SMARCA5: variants seen among roughly 807,000 people sequenced by gnomAD.
SMARCA5 encodes SWI/SNF-related matrix-associated actin-dependent regulator of chromatin subfamily A member 5.
In SMARCA5, 18 loss-of-function variants were observed where a neutral mutation model predicts 140.4. The ratio of observed to expected loss-of-function variants is 0.13; its 90% CI spans 0.09 to 0.19. The LOEUF is 0.19. Among genes scored for constraint, SMARCA5 ranks in the 10% least tolerant of loss-of-function variants. The probability of loss-of-function intolerance (pLI) is 1.00; values close to 1 mark genes in which losing one functional copy is unlikely to be tolerated. For missense variants in SMARCA5, 606 were observed against 1,276.8 expected, an observed-to-expected ratio of 0.47 and a Z score of 8.01; for synonymous variants, 449 against 419.6, an observed-to-expected ratio of 1.07 and a Z score of -0.86.
chr4:143,524,501 T>C (rs1479178345), intron 4 of SMARCA5, 34 bp downstream of exon 4: 2 of 1,451,274 alleles, frequency 1.4e-6, no homozygotes, highest in East Asian at 4.6e-5. Context: ...TTTAAAAAAT[T>C]GCCCTTTGAG....
chr4:143,537,579 A>G (rs1282691880), intron 11 of SMARCA5, among the ~76,000 whole-genome samples: 1 of 152,184 alleles, frequency 6.6e-6, no homozygotes, highest in East Asian at 1.9e-4. Context: ...AGTGGCAGGA[A>G]CGTGGTGGGA....
At position 143,513,731 on chromosome 4, in the gene SMARCA5, G is replaced by C; in HGVS notation, c.-194G>C. 1 of 608,066 alleles carries C rather than the reference G, an allele frequency of 1.6e-6. No individual in the cohort carries two copies. Among genetic ancestry groups the C allele is most frequent in the Non-Finnish European group, 2.8e-6 (1 of 357,702 alleles). 37.7% of individuals were successfully genotyped at this position (608,066 alleles called of 1,614,324 possible). On this transcript the variant is annotated 5_prime_UTR_variant, in exon 1 of 24. Coordinates refer to ENST00000283131, the MANE Select transcript of SMARCA5 (RefSeq NM_003601.4). ...GTGGAACCTAGAGCCCCGCGGAAGA[G>C]CAGAACGTTTGGGAGTGTGCAGCTC...
chr4:143,521,714 C>T, intron 3 of SMARCA5, 119 bp downstream of exon 3: 5 of 910,626 alleles, frequency 5.5e-6, no homozygotes, highest in Non-Finnish European at 8.1e-6. Flanking sequence ...ATTTATTTGG[C>T]CCTGTTTGGC....
At chr4:143,538,468 C>CG in intron 11 of SMARCA5, 122 bp from the exon 12 acceptor site, 1 of 686,180 alleles carries the variant, frequency 1.5e-6, no homozygotes, top group Non-Finnish European at 2.4e-6. Context: ...AGATTTTTTT[C>CG]CCCCTTGTAA....
chr4:143,552,301 T>C (rs1482906476), intron 23 of SMARCA5, among the ~76,000 whole-genome samples: 1 of 152,126 alleles, frequency 6.6e-6, no homozygotes, highest in African/African-American at 2.4e-5. Flanking sequence ...ATGGAGTCTT[T>C]AGGTTTTTCC....
Position 143,514,120 on chromosome 4 carries a change from A to G in SMARCA5, c.177+19A>G. On this transcript the variant is annotated intron_variant, in intron 1 of 23. Transcript: ENST00000283131. ...GATGGAGGTGAGGGCGACTTGCGGC[A>G]TGGGGAGCGGGTGCAGCGGGGAGGA... 11 of 1,516,828 alleles carry G rather than the reference A, an allele frequency of 7.3e-6. No individual in the cohort carries two copies. Among genetic ancestry groups the G allele is most frequent in the South Asian group, 1.2e-5 (1 of 81,468 alleles). 94.0% of individuals were successfully genotyped at this position (1,516,828 alleles called of 1,614,324 possible). A position where few individuals can be genotyped will look rare whatever the true frequency, so the allele number is the denominator to read the frequency against.
rs1737738555 is a variant in SMARCA5, at chr4:143,555,902, CAA to C, written c.*2720_*2721del. 1 of 153,358 alleles carries C rather than the reference CAA, an allele frequency of 6.5e-6. No homozygotes were observed. Among genetic ancestry groups the C allele is most frequent in the South Asian group, 2.1e-4 (1 of 4,868 alleles). 9.5% of individuals were successfully genotyped at this position (153,358 alleles called of 1,614,324 possible). A position where few individuals can be genotyped will look rare whatever the true frequency, so the allele number is the denominator to read the frequency against. ...AGGCAATCCTCTTGCGTCAACCTCT[CAA>C]AGTGCTGGGATTACATGTGTAAGCC... On this transcript the variant is annotated 3_prime_UTR_variant, in exon 24 of 24. Coordinates refer to ENST00000283131, the MANE Select transcript of SMARCA5 (RefSeq NM_003601.4).
intron 10 of SMARCA5, among the ~76,000 whole-genome samples, chr4:143,535,704 G>A (rs1352342236): frequency 6.6e-6 from 1 of 152,136 alleles, no homozygotes; most frequent in African/African-American, 2.4e-5. Context: ...CTTTATATCA[G>A]AATTGAGATG....
rs1284528932 is a variant in SMARCA5 at position 143,521,446 on chromosome 4, T to C, written c.270T>C (p.Asn90=). The stretch of plus-strand genomic sequence containing the variant: ...TTTTTCAGCAAACTGACCGGGCAAA[T>C]AGATTCGAGTATTTATTAAAGCAGA... ...YEEKMQTDRA[N]RFEYLLKQTE... The change falls in exon 3 of 24, where the codon AAT becomes AAC. Residue 90 remains asparagine, a synonymous_variant. Transcript: ENST00000283131. 8.7e-6 allele frequency: 14 copies of C among 1,605,036 alleles called. No homozygotes were observed. The African/African-American group carries it at 1.6e-4, about 19-fold the overall frequency.
Position 143,557,059 on chromosome 4 carries a change from A to G in SMARCA5, c.*3875A>G, listed in dbSNP as rs1052127153. The stretch of plus-strand genomic sequence containing the variant: ...ACATGGGTCTACATTCTTTGTTACC[A>G]CAGATTCCCTTGTGTCCGGAGAGAT... On this transcript the variant is annotated 3_prime_UTR_variant, in exon 24 of 24. Coordinates refer to ENST00000283131, the MANE Select transcript of SMARCA5 (RefSeq NM_003601.4). The G allele has an allele frequency of 1.3e-5, 2 of 152,224 alleles. No homozygotes were observed. The highest frequency in any genetic ancestry group is 4.8e-5 in the African/African-American group (2 of 41,452). The allele number at this position is 152,224 out of a possible 1,614,324, so 9.4% of individuals were successfully genotyped here.
Position 143,513,946 on chromosome 4 carries a change from C to G in SMARCA5, c.22C>G (p.Pro8Ala), listed in dbSNP as rs1482965442. Residue 8 changes from proline to alanine, a missense_variant, in exon 1 of 24, where the codon CCG (proline) becomes GCG (alanine). By Grantham distance (27) the Pro-to-Ala change is conservative. Coordinates refer to ENST00000283131, the MANE Select transcript of SMARCA5 (RefSeq NM_003601.4). ...CATCATGTCGTCCGCGGCCGAGCCT[C>G]CGCCACCCCCGCCTCCCGAGAGCGC... MSSAAEP[P>A]PPPPPESAPS... 2 of 1,547,958 alleles carry G rather than the reference C, an allele frequency of 1.3e-6. No individual in the cohort carries two copies. Among genetic ancestry groups the G allele is most frequent in the Admixed American group, 3.7e-5 (2 of 53,518 alleles).
intron 14 of SMARCA5, among the ~76,000 whole-genome samples, 192 bp from the exon 15 acceptor site, chr4:143,543,317 A>G (rs1737466817): frequency 6.6e-6 from 1 of 152,230 alleles, no homozygotes; most frequent in East Asian, 1.9e-4. Context: ...AATGTTTTGT[A>G]GCTTACCAAC....
At position 143,514,115 on chromosome 4, in the gene SMARCA5, G is replaced by T; in HGVS notation, c.177+14G>T. The T allele has an allele frequency of 6.6e-7, 1 of 1,521,662 alleles. No individual in the cohort carries two copies. The highest frequency in any genetic ancestry group is 8.8e-7 in the Non-Finnish European group (1 of 1,141,814). 94.3% of individuals were successfully genotyped at this position (1,521,662 alleles called of 1,614,324 possible). ...GCCGAGATGGAGGTGAGGGCGACTT[G>T]CGGCATGGGGAGCGGGTGCAGCGGG... On this transcript the variant is annotated intron_variant, in intron 1 of 23. Coordinates refer to ENST00000283131, the MANE Select transcript of SMARCA5 (RefSeq NM_003601.4).
intron 2 of SMARCA5, among the ~76,000 whole-genome samples, chr4:143,519,854 A>G (rs1437524794): frequency 6.6e-6 from 1 of 152,094 alleles, no homozygotes. Context: ...CACTCTGATC[A>G]GTCTTTCTTC....
chr4:143,533,600 C>T (rs951668533), intron 9 of SMARCA5, among the ~76,000 whole-genome samples: 9 of 150,938 alleles, frequency 6.0e-5, no homozygotes, highest in East Asian at 2.0e-4. Context: ...CTCCGCCTCC[C>T]GGGTTCACAC....
At chr4:143,522,252 G>T (rs904726178) in intron 3 of SMARCA5, among the ~76,000 whole-genome samples, 1 of 152,174 alleles carries the variant, frequency 6.6e-6, no homozygotes, top group Non-Finnish European at 1.5e-5. Flanking sequence ...GAAGTGTCAC[G>T]TTGTATGCCG....
At chr4:143,535,297 A>G (rs1737280339) in intron 10 of SMARCA5, among the ~76,000 whole-genome samples, 1 of 152,172 alleles carries the variant, frequency 6.6e-6, no homozygotes, top group Non-Finnish European at 1.5e-5. Flanking sequence ...TGGTTCACTT[A>G]TAGTTCATAA....
intron 6 of SMARCA5, 33 bp from the exon 7 acceptor site, chr4:143,527,835 T>A (rs1220319467): frequency 6.4e-7 from 1 of 1,569,214 alleles, no homozygotes; most frequent in Non-Finnish European, 8.6e-7. Context: ...AGTTTATTTC[T>A]ACGTGATGTA....
intron 1 of SMARCA5, among the ~76,000 whole-genome samples, chr4:143,515,168 A>G (rs149086103): frequency 1.6e-4 from 25 of 152,326 alleles, no homozygotes; most frequent in African/African-American, 5.5e-4. Flanking sequence ...ATGCAGAATC[A>G]TTATACAGTA....
Sources: gnomAD v4.1 joint callset for allele counts (sites outside exome capture counted in the v4.1 genomes callset) on GRCh38, gnomAD v4.1.1 for gene constraint, MANE v1.5 for transcripts, NCBI Gene and HGNC (gene_info 2026-07-23, HGNC 2026-07-21) for gene names.